The following FOCAD variants were observed in gnomAD, a reference collection of about 807,000 sequenced individuals.
The protein encoded by FOCAD is KIAA1797.
Under a neutral mutation model 225.6 loss-of-function variants are expected in FOCAD, and 198 were observed. The ratio of observed to expected loss-of-function variants is 0.88; its 90% CI spans 0.78 to 0.99. The LOEUF (loss-of-function observed/expected upper bound fraction) is 0.99, where lower values mean the gene tolerates loss of function less well. FOCAD is among the 50% of genes least tolerant of loss of function. The pLI is 0.00. For missense variants in FOCAD, 2,713 were observed against 2,123.6 expected (o/e 1.28, Z -5.46); for synonymous variants, 897 against 755.0 (o/e 1.19, Z -3.08).
intron 27 of FOCAD, among the ~76,000 whole-genome samples, chr9:20,929,912 T>C (rs368511486): frequency 1.3e-5 from 2 of 152,186 alleles, no homozygotes; most frequent in East Asian, 1.9e-4. Context: ...TATGGTGCTA[T>C]AAGTAAAAAG....
intron 5 of FOCAD, among the ~76,000 whole-genome samples, chr9:20,754,623 T>G (rs1828877423): frequency 6.6e-6 from 1 of 152,150 alleles, no homozygotes; most frequent in South Asian, 2.1e-4. Flanking sequence ...GCTTGTCATT[T>G]ACTCAATGGA....
At chr9:20,769,472 C>G (rs1003519450) in intron 7 of FOCAD, among the ~76,000 whole-genome samples, 3 of 152,196 alleles carry the variant, frequency 2.0e-5, no homozygotes, top group Admixed American at 1.3e-4. Context: ...CAAGAGCACC[C>G]AGGTCCTTCC....
chr9:20,828,558 A>G (rs1016725523), intron 15 of FOCAD, among the ~76,000 whole-genome samples: 2 of 152,112 alleles, frequency 1.3e-5, no homozygotes, highest in South Asian at 4.1e-4. Context: ...CCAGCATTGT[A>G]AGAAGGTTCT....
intron 42 of FOCAD, 99 bp from the exon 43 acceptor site, chr9:20,993,154 C>A: frequency 1.1e-6 from 1 of 927,630 alleles, no homozygotes; most frequent in Non-Finnish European, 1.7e-6. Flanking sequence ...GAGGCTGAGG[C>A]AGGAAAATCA....
At chr9:20,817,581 C>T (rs1033940127) in intron 11 of FOCAD, among the ~76,000 whole-genome samples, 19 of 150,772 alleles carry the variant, frequency 1.3e-4, no homozygotes, top group African/African-American at 3.2e-4. Context: ...TTTATTTATT[C>T]GTCAGTTGAT....
intron 15 of FOCAD, among the ~76,000 whole-genome samples, chr9:20,836,695 C>T (rs1374555201): frequency 6.6e-6 from 1 of 151,926 alleles, no homozygotes; most frequent in African/African-American, 2.4e-5. Flanking sequence ...TTAACATTCA[C>T]TTTGTCACCC....
At chr9:20,717,898 C>T (rs1825465932) in intron 3 of FOCAD, 30 bp downstream of exon 3, 7 of 1,561,870 alleles carry the variant, frequency 4.5e-6, no homozygotes, top group African/African-American at 1.4e-5. Context: ...CTTTAATTCT[C>T]TTCAGATAAG....
intron 18 of FOCAD, among the ~76,000 whole-genome samples, chr9:20,867,732 T>C (rs1343618639): frequency 6.6e-6 from 1 of 152,082 alleles, no homozygotes; most frequent in Non-Finnish European, 1.5e-5. Flanking sequence ...TGAGTGCCTC[T>C]GAAGTGTCAA....
At position 20,907,112 on chromosome 9, in the gene FOCAD, T is replaced by C. The variant is rs966523082; in HGVS notation, c.2626-38T>C. ...TTTTAATTTTATTCTTTTTTAATACTGTGTAGCCTAATATGTTGTGGTACA... is the reference window on the plus strand; with the variant it reads ...TTTTAATTTTATTCTTTTTTAATACCGTGTAGCCTAATATGTTGTGGTACA... On this transcript the variant is annotated intron_variant, in intron 21 of 43. Transcript: ENST00000338382. 4 of 1,443,718 alleles carry C rather than the reference T, an allele frequency of 2.8e-6. No individual in the cohort carries two copies. The East Asian group carries it at 9.1e-5, about 33-fold the overall frequency. 89.4% of individuals were successfully genotyped at this position (1,443,718 alleles called of 1,614,324 possible).
At chr9:20,929,046 G>A (rs1835219254) in intron 26 of FOCAD, 1 of 220,094 alleles carries the variant, frequency 4.5e-6, no homozygotes, top group South Asian at 1.1e-4. Context: ...TATACATGTG[G>A]GCTTTTAGGA....
intron 11 of FOCAD, among the ~76,000 whole-genome samples, chr9:20,810,618 A>G (rs1007059195): frequency 2.6e-5 from 4 of 152,098 alleles, no homozygotes; most frequent in African/African-American, 9.7e-5. Flanking sequence ...TGTTGATTAT[A>G]TTCCTTTTTT....
intron 35 of FOCAD, among the ~76,000 whole-genome samples, chr9:20,960,016 A>G (rs574722777): frequency 6.6e-6 from 1 of 152,240 alleles, no homozygotes; most frequent in South Asian, 2.1e-4. Context: ...ATTCCTTTCA[A>G]CCAGGGGCAC....
intron 5 of FOCAD, among the ~76,000 whole-genome samples, chr9:20,741,640 G>T (rs1827619341): frequency 6.8e-6 from 1 of 146,396 alleles, no homozygotes. Flanking sequence ...AAAACTTGAG[G>T]TCTGCAGAGT....
chr9:20,909,140 A>T (rs1324462085), intron 22 of FOCAD, among the ~76,000 whole-genome samples: 3 of 152,100 alleles, frequency 2.0e-5, no homozygotes, highest in South Asian at 2.1e-4. Context: ...GCAATTGATT[A>T]AAAAAAGCCA....
chr9:20,993,196 T>C, intron 42 of FOCAD, 57 bp from the exon 43 acceptor site: 1 of 1,417,290 alleles, frequency 7.1e-7, no homozygotes, highest in Non-Finnish European at 1.0e-6. Context: ...GGAATAACTG[T>C]TCTTTTGCTG....
At chr9:20,881,746 C>T (rs978568845) in intron 19 of FOCAD, 125 bp from the exon 20 acceptor site, 2 of 924,958 alleles carry the variant, frequency 2.2e-6, no homozygotes, top group Admixed American at 2.5e-5. Flanking sequence ...CAAGAGGTCT[C>T]TTTTTACCAT....
At chr9:20,820,867 G>C in intron 13 of FOCAD, 74 bp from the exon 14 acceptor site, 1 of 1,513,410 alleles carries the variant, frequency 6.6e-7, no homozygotes, top group Non-Finnish European at 9.0e-7. Flanking sequence ...AGGTGAAAAT[G>C]CTGAGTAAAA....
chr9:20,879,894 T>G (rs185416840), intron 19 of FOCAD, among the ~76,000 whole-genome samples: 1 of 152,342 alleles, frequency 6.6e-6, no homozygotes. Flanking sequence ...TGTGCAGATA[T>G]GTTCTTGCCC....
chr9:20,942,789 T>C (rs1836800128), intron 28 of FOCAD, among the ~76,000 whole-genome samples: 1 of 152,184 alleles, frequency 6.6e-6, no homozygotes, highest in Non-Finnish European at 1.5e-5. Flanking sequence ...AGGGAAGAGA[T>C]AATAATCAAC....
Sources: allele counts gnomAD v4.1 joint callset (sites outside exome capture counted in the v4.1 genomes callset), GRCh38; gene constraint gnomAD v4.1.1; transcripts MANE v1.5; gene names NCBI Gene and HGNC (gene_info 2026-07-23, HGNC 2026-07-21).